Variants in CNTNAP5 observed in about 807,000 individuals in gnomAD.
CNTNAP5 encodes contactin associated protein family member 5.
A neutral mutation model predicts 150.2 loss-of-function variants in CNTNAP5; 72 were observed. That is an observed-to-expected ratio of 0.48 (90% CI 0.40 to 0.58). The LOEUF is 0.58. Ranked by LOEUF, CNTNAP5 falls within the 20% of genes least tolerant of loss-of-function variation. The probability of loss-of-function intolerance (pLI) is 0.00; values close to 1 mark genes in which losing one functional copy is unlikely to be tolerated. For synonymous variants in CNTNAP5, 672 were observed against 619.8 expected, an observed-to-expected ratio of 1.08 and a Z score of -1.25; for missense variants, 1,636 against 1,626.2, an observed-to-expected ratio of 1.01 and a Z score of -0.10.
At chr2:124,898,747 A>G (rs1678357567) in intron 21 of CNTNAP5, among the ~76,000 whole-genome samples, 1 of 151,574 alleles carries the variant, frequency 6.6e-6, no homozygotes, top group African/African-American at 2.4e-5. Context: ...TCTAAATGCA[A>G]CAGTACTTGG....
chr2:124,564,683 T>C (rs1573462190), intron 11 of CNTNAP5, among the ~76,000 whole-genome samples: 1 of 152,130 alleles, frequency 6.6e-6, no homozygotes, highest in Non-Finnish European at 1.5e-5. Context: ...TGTATAGTCT[T>C]ATTGAGACCA....
At chr2:124,200,659 C>G (rs1380963014) in intron 1 of CNTNAP5, among the ~76,000 whole-genome samples, 2 of 152,092 alleles carry the variant, frequency 1.3e-5, no homozygotes, top group Non-Finnish European at 2.9e-5. Flanking sequence ...CACTGAAAAA[C>G]TTTATATCTG....
At position 124,653,910 on chromosome 2, in the gene CNTNAP5, A is replaced by ACCC. The variant is rs1573525170; in HGVS notation, c.2077+5952_2077+5953insCCC. On this transcript the variant is annotated intron_variant, in intron 13 of 23. Coordinates refer to ENST00000682447, the MANE Select transcript of CNTNAP5 (RefSeq NM_001367498.1). ...ACAGAAACATGCCCCCACTGCCCCC[A>ACCC]ACCCCCCCCCCCCGCCACACACACA... Among the ~76,000 whole-genome samples, 81 of 18,360 alleles carry ACCC rather than the reference A, an allele frequency of 4.4e-3. 1 individual carries two copies. The highest frequency in any genetic ancestry group is 6.3e-3 in the Non-Finnish European group (58 of 9,134). 12.0% of individuals were successfully genotyped at this position (18,360 alleles called of 152,430 possible).
rs556596944 is a variant in CNTNAP5 at position 124,468,979 on chromosome 2, A to G, written c.919-5760A>G. 2.0e-5 allele frequency among the ~76,000 whole-genome samples: 3 copies of G among 152,342 alleles called. No individual in the cohort carries two copies. In the South Asian group the frequency reaches 6.2e-4, roughly 32 times the overall value. ...AGACAGCTCTAACAGGCTTGCAGCC[A>G]TCACTGCTATGGGTACTTCTGGAGG... On this transcript the variant is annotated intron_variant, in intron 6 of 23. Coordinates refer to ENST00000682447, the MANE Select transcript of CNTNAP5 (RefSeq NM_001367498.1).
At chr2:124,148,533 A>G (rs2104629172) in intron 1 of CNTNAP5, among the ~76,000 whole-genome samples, 1 of 146,930 alleles carries the variant, frequency 6.8e-6, no homozygotes, top group African/African-American at 2.5e-5. Context: ...TACATATTAT[A>G]TATATACATA....
chr2:124,731,100 T>C (rs982654281), intron 13 of CNTNAP5, among the ~76,000 whole-genome samples: 7 of 152,140 alleles, frequency 4.6e-5, no homozygotes, highest in African/African-American at 7.2e-5. Flanking sequence ...ATCAACTTTC[T>C]GTCTATGCCT....
chr2:124,239,107 AAGTTTTTTTACTGTGGGAAAAAGGGAGC>A (rs1410583031), intron 2 of CNTNAP5, among the ~76,000 whole-genome samples: 1 of 152,190 alleles, frequency 6.6e-6, no homozygotes, highest in Non-Finnish European at 1.5e-5. Context: ...TTAATAAGCT[AAGTTTTTTTACTGTGGGAAAAAGGGAGC>A]TATGATTTTC....
intron 7 of CNTNAP5, among the ~76,000 whole-genome samples, chr2:124,485,441 G>A (rs1227866104): frequency 6.6e-6 from 1 of 151,556 alleles, no homozygotes; most frequent in African/African-American, 2.4e-5. Flanking sequence ...GTGAAACCCC[G>A]TATCTACTAA....
chr2:124,812,923 T>C (rs1027619617), intron 19 of CNTNAP5, among the ~76,000 whole-genome samples: 6 of 152,158 alleles, frequency 3.9e-5, no homozygotes. Flanking sequence ...TCAAATATTT[T>C]ACAGAGTTTG....
Position 124,706,845 on chromosome 2 carries a change from A to G in CNTNAP5, c.2078-40384A>G, listed in dbSNP as rs1172689787. Among the ~76,000 whole-genome samples the G allele has an allele frequency of 8.2e-3, 18 of 2,188 alleles. 4 individuals carry two copies. Among genetic ancestry groups the G allele is most frequent in the East Asian group, 0.017 (1 of 60 alleles). The allele number at this position is 2,188 out of a possible 152,430, so 1.4% of individuals were successfully genotyped here. ...AGGAGGAAGAGGAGGAGGGGGAGGA[A>G]GGAGGAGGAGGAGAAGGAGAAGGGG... On this transcript the variant is annotated intron_variant, in intron 13 of 23. Transcript: ENST00000682447.
At chr2:124,050,941 C>A (rs1044839687) in intron 1 of CNTNAP5, among the ~76,000 whole-genome samples, 1 of 152,126 alleles carries the variant, frequency 6.6e-6, no homozygotes, top group African/African-American at 2.4e-5. Context: ...ACCAGGATAA[C>A]ATCTAGAGTG....
At chr2:124,418,757 T>C (rs533355381) in intron 4 of CNTNAP5, among the ~76,000 whole-genome samples, 1 of 152,328 alleles carries the variant, frequency 6.6e-6, no homozygotes, top group African/African-American at 2.4e-5. Context: ...AGGGTATATG[T>C]GTCCTATCCT....
At chr2:124,178,704 G>A (rs1346630112) in intron 1 of CNTNAP5, among the ~76,000 whole-genome samples, 1 of 152,154 alleles carries the variant, frequency 6.6e-6, no homozygotes, top group Non-Finnish European at 1.5e-5. Context: ...TGTTGTGATG[G>A]TGATGGTGGC....
chr2:124,771,705 AC>A, intron 16 of CNTNAP5, among the ~76,000 whole-genome samples: 1 of 144,424 alleles, frequency 6.9e-6, no homozygotes, highest in South Asian at 2.2e-4. Flanking sequence ...TGGCGCCATC[AC>A]CATCACCTTC....
intron 3 of CNTNAP5, among the ~76,000 whole-genome samples, chr2:124,326,255 G>T (rs1410000024): frequency 6.6e-6 from 1 of 152,136 alleles, no homozygotes; most frequent in Non-Finnish European, 1.5e-5. Flanking sequence ...TGCATGGCCT[G>T]TGCAAAATAA....
chr2:124,812,063 A>C (rs866899599), intron 19 of CNTNAP5, among the ~76,000 whole-genome samples: 1 of 62,462 alleles, frequency 1.6e-5, no homozygotes, highest in Admixed American at 2.8e-4. Context: ...ATATTATATA[A>C]TATATAATTT....
At chr2:124,032,823 T>C (rs1294571138) in intron 1 of CNTNAP5, among the ~76,000 whole-genome samples, 1 of 152,222 alleles carries the variant, frequency 6.6e-6, no homozygotes, top group African/African-American at 2.4e-5. Flanking sequence ...CTCAGTGCAG[T>C]ATATTTCATA....
At chr2:124,785,678 G>C (rs1292609295) in intron 17 of CNTNAP5, among the ~76,000 whole-genome samples, 1 of 152,186 alleles carries the variant, frequency 6.6e-6, no homozygotes, top group East Asian at 1.9e-4. Context: ...AAGTGTGGGA[G>C]AAAGAAGCTG....
intron 13 of CNTNAP5, among the ~76,000 whole-genome samples, chr2:124,698,354 A>G (rs1679448388): frequency 6.9e-6 from 1 of 144,548 alleles, no homozygotes; most frequent in Admixed American, 7.1e-5. Flanking sequence ...AGATTTTAAT[A>G]TGCCCAAGTA....
Sources: gnomAD v4.1 joint callset for allele counts (sites outside exome capture counted in the v4.1 genomes callset) on GRCh38, gnomAD v4.1.1 for gene constraint, MANE v1.5 for transcripts, NCBI Gene and HGNC (gene_info 2026-07-23, HGNC 2026-07-21) for gene names.